The following PEAK1 variants were observed in gnomAD, a reference collection of about 807,000 sequenced individuals.
The protein encoded by PEAK1 is inactive tyrosine-protein kinase PEAK1.
Under a neutral mutation model 124.7 loss-of-function variants are expected in PEAK1, and 54 were observed. The observed-to-expected ratio is 0.43, with a 90% CI of 0.35 to 0.54. The LOEUF is 0.54. Among genes scored for constraint, PEAK1 ranks in the 20% least tolerant of loss-of-function variants. PEAK1 has a pLI of 0.01. For missense variants in PEAK1, 2,046 were observed against 2,134.5 expected (o/e 0.96, Z 0.82); for synonymous variants, 719 against 760.0 (o/e 0.95, Z 0.89).
At chr15:77,123,063 G>A (rs889281204) in intron 9 of PEAK1, among the ~76,000 whole-genome samples, 1 of 152,164 alleles carries the variant, frequency 6.6e-6, no homozygotes, top group Admixed American at 6.5e-5. Flanking sequence ...TGGCATAGCC[G>A]GAAGAAAGGA....
At chr15:77,352,398 C>T (rs540959566) in intron 2 of PEAK1, 2 of 985,298 alleles carry the variant, frequency 2.0e-6, no homozygotes, top group East Asian at 2.3e-4. Flanking sequence ...CCTGAGTCCA[C>T]TTCCAAGACA....
In PEAK1 at chr15:77,179,441, G is replaced by A; in HGVS notation, c.2486C>T (p.Ala829Val). ...ACTGTCTGTGGTCTGAGGTGCTTCAGCCTCACCACTAGGCTGAGATGTAAA... is the reference window on the plus strand; with the variant it reads ...ACTGTCTGTGGTCTGAGGTGCTTCAACCTCACCACTAGGCTGAGATGTAAA... ...SLFTSQPSGE[A>V]EAPQTTDSPT... The change falls in exon 7 of 10, where the codon GCT becomes GTT. Residue 829 changes from alanine to valine, a missense_variant. Physicochemically the swap from Ala to Val is moderately conservative, Grantham distance 64. Coordinates refer to ENST00000682557, the MANE Select transcript of PEAK1 (RefSeq NM_001385026.1). 1 of 1,614,108 alleles carries A rather than the reference G, an allele frequency of 6.2e-7. No homozygotes were observed. Among genetic ancestry groups the A allele is most frequent in the Middle Eastern group, 1.6e-4 (1 of 6,062 alleles).
chr15:77,337,128 C>T, intron 2 of PEAK1: 1 of 985,028 alleles, frequency 1.0e-6, no homozygotes, highest in Non-Finnish European at 1.2e-6. Context: ...CCTCAAGATG[C>T]CAACAGTAAG....
intron 8 of PEAK1, among the ~76,000 whole-genome samples, chr15:77,149,773 A>C (rs2152767257): frequency 6.6e-6 from 1 of 151,624 alleles, no homozygotes; most frequent in East Asian, 1.9e-4. Context: ...TTTTTAAGAC[A>C]GTGTCTCCCT....
At chr15:77,399,814 G>A (rs895014903) in intron 1 of PEAK1, among the ~76,000 whole-genome samples, 1 of 152,082 alleles carries the variant, frequency 6.6e-6, no homozygotes, top group Non-Finnish European at 1.5e-5. Flanking sequence ...GTGGACAAAT[G>A]GGATCACATC....
chr15:77,156,103 G>T (rs763798643), intron 8 of PEAK1: 1 of 153,096 alleles, frequency 6.5e-6, no homozygotes, highest in Admixed American at 6.5e-5. Flanking sequence ...CCCAGAGGTG[G>T]AGCCTACAGA....
chr15:77,337,185 T>C (rs1269284653), intron 2 of PEAK1: 1 of 984,066 alleles, frequency 1.0e-6, no homozygotes, highest in Non-Finnish European at 1.2e-6. Flanking sequence ...GAGAAGCAGG[T>C]AGAGGAGTAA....
At chr15:77,326,320 C>A (rs1446137770) in intron 2 of PEAK1, among the ~76,000 whole-genome samples, 1 of 152,152 alleles carries the variant, frequency 6.6e-6, no homozygotes, top group South Asian at 2.1e-4. Flanking sequence ...GATGACAAAC[C>A]ATAATACTTG....
In PEAK1 at chr15:77,280,805, A is replaced by C. The variant is rs140914051; in HGVS notation, c.-275+3078T>G. ...ACTTAGTAGCTTTGTTTAGATGATT[A>C]TTAGATAGCACTCTCATCTTTGGAA... On this transcript the variant is annotated intron_variant, in intron 5 of 9. Transcript: ENST00000682557. Among the ~76,000 whole-genome samples, 373 of 152,222 alleles carry C rather than the reference A, an allele frequency of 2.5e-3. 7 individuals are homozygous for C. The highest frequency in any genetic ancestry group is 5.0e-3 in the Admixed American group (76 of 15,282).
chr15:77,160,292 A>C (rs1334842362), intron 7 of PEAK1, among the ~76,000 whole-genome samples: 1 of 152,236 alleles, frequency 6.6e-6, no homozygotes, highest in African/African-American at 2.4e-5. Flanking sequence ...AGTAGTTATC[A>C]ACATGCTTCA....
chr15:77,275,574 G>A (rs1057327085), intron 5 of PEAK1, among the ~76,000 whole-genome samples: 1 of 151,936 alleles, frequency 6.6e-6, no homozygotes, highest in African/African-American at 2.4e-5. Flanking sequence ...AAATTAGATG[G>A]GTGTGATGGT....
At chr15:77,388,758 A>G (rs1355795078) in intron 1 of PEAK1, among the ~76,000 whole-genome samples, 2 of 151,454 alleles carry the variant, frequency 1.3e-5, no homozygotes, top group Admixed American at 1.3e-4. Context: ...CCTCTCTTCT[A>G]CAGTTTCAAG....
At chr15:77,274,916 A>G (rs1443672013) in intron 5 of PEAK1, among the ~76,000 whole-genome samples, 1 of 152,230 alleles carries the variant, frequency 6.6e-6, no homozygotes, top group African/African-American at 2.4e-5. Flanking sequence ...GAACCAGCCC[A>G]AATATCCATC....
At chr15:77,278,746 C>T (rs928245194) in intron 5 of PEAK1, 2 of 485,072 alleles carry the variant, frequency 4.1e-6, no homozygotes, top group East Asian at 5.4e-5. Flanking sequence ...GAAGCACGTG[C>T]ATTTTTGATA....
chr15:77,392,602 A>G (rs2070563444), intron 1 of PEAK1, among the ~76,000 whole-genome samples: 1 of 151,898 alleles, frequency 6.6e-6, no homozygotes, highest in Non-Finnish European at 1.5e-5. Flanking sequence ...ATGAGATATA[A>G]AGAGAGGTAC....
rs753213941 is a variant in PEAK1, at chr15:77,138,930, CT to C, written c.3332-5181del. ...CAAATCTTTCCCTATTTAAACAAAACTTTTTTTTTTATAAACTTTTTTGTTA... is the reference window on the plus strand; with the variant it reads ...CAAATCTTTCCCTATTTAAACAAAACTTTTTTTTTATAAACTTTTTTGTTA... On this transcript the variant is annotated intron_variant, in intron 8 of 9. Transcript: ENST00000682557. 1.1e-4 allele frequency among the ~76,000 whole-genome samples: 17 copies of C among 148,118 alleles called. No homozygotes were observed. The East Asian group carries it at 1.2e-3, about 10-fold the overall frequency.
At chr15:77,382,819 T>C (rs1471781221) in intron 1 of PEAK1, among the ~76,000 whole-genome samples, 1 of 152,160 alleles carries the variant, frequency 6.6e-6, no homozygotes, top group African/African-American at 2.4e-5. Flanking sequence ...TGAAATTAAA[T>C]ACACAAGGAA....
At chr15:77,300,777 CT>C (rs1331917230) in intron 2 of PEAK1, among the ~76,000 whole-genome samples, 1 of 152,078 alleles carries the variant, frequency 6.6e-6, no homozygotes, top group Non-Finnish European at 1.5e-5. Context: ...TTTTTTATGA[CT>C]GTATTCGTTT....
intron 1 of PEAK1, among the ~76,000 whole-genome samples, chr15:77,415,617 T>C (rs1361595539): frequency 6.6e-6 from 1 of 152,214 alleles, no homozygotes; most frequent in Non-Finnish European, 1.5e-5. Context: ...TCTTAGCAGA[T>C]GATCAAAAAT....
Sources: gnomAD v4.1 joint callset for allele counts (sites outside exome capture counted in the v4.1 genomes callset) on GRCh38, gnomAD v4.1.1 for gene constraint, MANE v1.5 for transcripts, NCBI Gene and HGNC (gene_info 2026-07-23, HGNC 2026-07-21) for gene names.